ERI3: variants seen among roughly 807,000 people sequenced by gnomAD.
ERI3 encodes ERI1 exoribonuclease family member 3.
Under a neutral mutation model 44.4 loss-of-function variants are expected in ERI3, and 18 were observed. The ratio of observed to expected loss-of-function variants is 0.41; its 90% CI spans 0.28 to 0.60. The LOEUF (loss-of-function observed/expected upper bound fraction) is 0.60, where lower values mean the gene tolerates loss of function less well. ERI3 is among the 20% of genes least tolerant of loss of function. The pLI is 0.36. For synonymous variants in ERI3, 183 were observed against 164.8 expected (o/e 1.11, Z -0.84); for missense variants, 294 against 435.5 (o/e 0.68, Z 2.89).
intron 7 of ERI3, among the ~76,000 whole-genome samples, chr1:44,258,400 A>C (rs1160922033): frequency 2.0e-5 from 3 of 152,320 alleles, no homozygotes; most frequent in African/African-American, 7.2e-5. Context: ...GCTTGCACAC[A>C]GCATACACGC....
intron 5 of ERI3, among the ~76,000 whole-genome samples, chr1:44,310,940 GTATGTGCACATCGCGCGCGCGCGCACACA>G (rs1645942986): frequency 7.0e-6 from 1 of 142,032 alleles, no homozygotes; most frequent in African/African-American, 2.6e-5. Context: ...CTCCTTGCAT[GTATGTGCACATCGCGCGCGCGCGCACACA>G]CACACACACA....
Position 44,355,252 on chromosome 1 carries a change from C to A in ERI3, c.-226G>T, listed in dbSNP as rs1350528007. ...CCAGCACCACGAGTCCACAACACACCGACTCACCTCCGCGCACTCTGACCC... is the reference window on the plus strand; with the variant it reads ...CCAGCACCACGAGTCCACAACACACAGACTCACCTCCGCGCACTCTGACCC... On this transcript the variant is annotated 5_prime_UTR_variant, in exon 1 of 9. Coordinates refer to ENST00000372257, the MANE Select transcript of ERI3 (RefSeq NM_024066.3). 23 of 1,165,182 alleles carry A rather than the reference C, an allele frequency of 2.0e-5. No homozygotes were observed. Among genetic ancestry groups the A allele is most frequent in the Non-Finnish European group, 2.4e-5 (23 of 945,302 alleles). 72.2% of individuals were successfully genotyped at this position (1,165,182 alleles called of 1,614,324 possible).
At chr1:44,251,313 C>T (rs1644674405) in intron 7 of ERI3, among the ~76,000 whole-genome samples, 1 of 152,254 alleles carries the variant, frequency 6.6e-6, no homozygotes, top group Non-Finnish European at 1.5e-5. Flanking sequence ...GCCACAAATG[C>T]ATCGGACTTG....
intron 5 of ERI3, among the ~76,000 whole-genome samples, chr1:44,310,421 T>G (rs145525798): frequency 6.9e-4 from 105 of 152,364 alleles, no homozygotes; most frequent in African/African-American, 2.3e-3. Flanking sequence ...TCTTACTCAC[T>G]GCCTTAATCT....
chr1:44,251,921 G>A (rs1644689094), intron 7 of ERI3, among the ~76,000 whole-genome samples: 1 of 152,192 alleles, frequency 6.6e-6, no homozygotes, highest in Non-Finnish European at 1.5e-5. Context: ...GAAGCTTTCT[G>A]ATCTTGATCA....
chr1:44,310,381 A>C (rs1426798164), intron 5 of ERI3, among the ~76,000 whole-genome samples: 2 of 152,228 alleles, frequency 1.3e-5, no homozygotes, highest in African/African-American at 4.8e-5. Context: ...CTTCCCTGCG[A>C]ATATAAGCAC....
chr1:44,308,089 G>C (rs1424098758), intron 6 of ERI3, among the ~76,000 whole-genome samples: 1 of 152,224 alleles, frequency 6.6e-6, no homozygotes, highest in African/African-American at 2.4e-5. Context: ...ACCTGGCAAA[G>C]GCAGGAAGGC....
intron 8 of ERI3, among the ~76,000 whole-genome samples, chr1:44,238,479 G>A (rs905999552): frequency 1.0e-3 from 157 of 152,276 alleles, no homozygotes; most frequent in African/African-American, 3.4e-3. Context: ...TCCTTTCGGT[G>A]TATAGGGCCA....
intron 8 of ERI3, among the ~76,000 whole-genome samples, chr1:44,224,006 G>A (rs1489241378): frequency 6.6e-6 from 1 of 152,142 alleles, no homozygotes; most frequent in East Asian, 1.9e-4. Flanking sequence ...ACCCTGCTAT[G>A]TTCTCCATCC....
intron 1 of ERI3, chr1:44,353,302 G>A (rs1646934477): frequency 2.0e-6 from 2 of 985,374 alleles, no homozygotes; most frequent in Non-Finnish European, 2.4e-6. Flanking sequence ...TGGGGTAGGG[G>A]TTGGTTGCCA....
At chr1:44,351,036 C>CTT (rs768508491) in intron 2 of ERI3, among the ~76,000 whole-genome samples, 5 of 144,096 alleles carry the variant, frequency 3.5e-5, no homozygotes, top group Non-Finnish European at 3.1e-5. Context: ...TCAGAGCAAA[C>CTT]TTTTTTTTTT....
intron 7 of ERI3, among the ~76,000 whole-genome samples, chr1:44,281,172 C>T (rs2154323014): frequency 6.6e-6 from 1 of 152,322 alleles, no homozygotes; most frequent in Non-Finnish European, 1.5e-5. Context: ...TTCCTTCTTA[C>T]ATGATCCATG....
At chr1:44,242,765 C>G (rs1319909137) in intron 8 of ERI3, among the ~76,000 whole-genome samples, 1 of 152,172 alleles carries the variant, frequency 6.6e-6, no homozygotes, top group African/African-American at 2.4e-5. Flanking sequence ...AAGACGGGGG[C>G]TGGCGTTTGG....
rs112775108 is a variant in ERI3 at position 44,248,927 on chromosome 1, TG to T, written c.832-890del. ...CACCTGGCTGCCAGCAACCTCCACC[TG>T]GGGGGGGGACACACGGCAGCTCAGG... On this transcript the variant is annotated intron_variant, in intron 7 of 8. Transcript: ENST00000372257. Among the ~76,000 whole-genome samples the T allele has an allele frequency of 5.9e-3, 894 of 150,336 alleles. 6 individuals carry two copies. The highest frequency in any genetic ancestry group is 9.2e-3 in the Non-Finnish European group (619 of 67,480).
intron 8 of ERI3, 43 bp downstream of exon 8, chr1:44,247,896 G>A (rs1251008035): frequency 3.3e-6 from 5 of 1,534,576 alleles, no homozygotes; most frequent in Non-Finnish European, 4.5e-6. Context: ...GCGGGCAAGG[G>A]ACGATGGATG....
intron 2 of ERI3, among the ~76,000 whole-genome samples, chr1:44,342,807 CA>C (rs1646681377): frequency 1.3e-5 from 1 of 77,728 alleles, no homozygotes; most frequent in Non-Finnish European, 2.5e-5. Flanking sequence ...CCACCACATC[CA>C]GCTAATATAT....
chr1:44,236,789 T>C (rs777355459), intron 8 of ERI3, among the ~76,000 whole-genome samples: 1 of 152,082 alleles, frequency 6.6e-6, no homozygotes, highest in Non-Finnish European at 1.5e-5. Context: ...GGGACACTCT[T>C]CCGCCAAAAT....
intron 3 of ERI3, among the ~76,000 whole-genome samples, chr1:44,325,322 G>A (rs913547704): frequency 2.0e-5 from 3 of 151,908 alleles, no homozygotes; most frequent in Non-Finnish European, 4.4e-5. Flanking sequence ...AGATCCGCAC[G>A]CCTCGGTCTC....
At chr1:44,314,165 G>A (rs2154328466) in intron 4 of ERI3, among the ~76,000 whole-genome samples, 1 of 148,816 alleles carries the variant, frequency 6.7e-6, no homozygotes, top group African/African-American at 2.5e-5. Context: ...GGGGGGGGGA[G>A]ATTAAACTCC....
Sources: gnomAD v4.1 joint callset for allele counts (sites outside exome capture counted in the v4.1 genomes callset) on GRCh38, gnomAD v4.1.1 for gene constraint, MANE v1.5 for transcripts, NCBI Gene and HGNC (gene_info 2026-07-23, HGNC 2026-07-21) for gene names.